Variants in SPAG16 observed in about 807,000 individuals in gnomAD.
SPAG16 encodes sperm-associated antigen 16 protein.
In SPAG16, 86 loss-of-function variants were observed where a neutral mutation model predicts 80.4. The observed-to-expected ratio is 1.07, with a 90% confidence interval of 0.90 to 1.28. The LOEUF (loss-of-function observed/expected upper bound fraction) is 1.28, where lower values mean the gene tolerates loss of function less well. SPAG16 is among the 50% of genes most tolerant of loss of function. The pLI is 0.00. For synonymous variants in SPAG16, 294 were observed against 265.9 expected (o/e 1.11, Z -1.03); for missense variants, 870 against 765.3 (o/e 1.14, Z -1.61).
intron 15 of SPAG16, among the ~76,000 whole-genome samples, chr2:214,378,147 A>T (rs1250508496): frequency 6.6e-6 from 1 of 152,190 alleles, no homozygotes; most frequent in Non-Finnish European, 1.5e-5. Context: ...TTCCAGATGG[A>T]ACACAGCCCT....
In SPAG16 at chr2:213,787,293, G is replaced by A. The variant is rs549324102; in HGVS notation, c.1071-75192G>A. 2.6e-5 allele frequency among the ~76,000 whole-genome samples: 4 copies of A among 152,192 alleles called. 1 individual carries two copies. In the South Asian group the frequency reaches 8.3e-4, roughly 32 times the overall value. ...TGAGGATAAAGAAGTAGAAGTTGAT[G>A]AGTGATAATGGTATTGATGCTTTCT... On this transcript the variant is annotated intron_variant, in intron 10 of 15. Coordinates refer to ENST00000331683, the MANE Select transcript of SPAG16 (RefSeq NM_024532.5).
intron 14 of SPAG16, among the ~76,000 whole-genome samples, chr2:214,146,954 A>G (rs951606038): frequency 1.3e-5 from 2 of 151,434 alleles, no homozygotes; most frequent in African/African-American, 4.9e-5. Context: ...GTGAGCCAAG[A>G]TTGTGCCATT....
intron 14 of SPAG16, among the ~76,000 whole-genome samples, chr2:214,139,244 A>C (rs143579030): frequency 6.6e-6 from 1 of 152,240 alleles, no homozygotes; most frequent in East Asian, 1.9e-4. Context: ...CATTTTGCTG[A>C]AGAATTAACA....
intron 9 of SPAG16, among the ~76,000 whole-genome samples, chr2:213,407,983 AGAG>A (rs1361277813): frequency 1.4e-5 from 2 of 141,082 alleles, no homozygotes; most frequent in African/African-American, 5.3e-5. Context: ...CAGGAGAGAG[AGAG>A]GAGAGAGGCA....
At chr2:214,219,772 C>A (rs1393918173) in intron 15 of SPAG16, among the ~76,000 whole-genome samples, 1 of 152,090 alleles carries the variant, frequency 6.6e-6, no homozygotes, top group African/African-American at 2.4e-5. Context: ...TTTACTGTAA[C>A]TTATTCAAAT....
intron 15 of SPAG16, among the ~76,000 whole-genome samples, chr2:214,194,800 C>G (rs1216790522): frequency 6.6e-6 from 1 of 152,020 alleles, no homozygotes; most frequent in Non-Finnish European, 1.5e-5. Context: ...TCAGAAAGCC[C>G]TGTTTCTGAA....
chr2:213,717,545 G>T (rs1459680325), intron 10 of SPAG16, among the ~76,000 whole-genome samples: 1 of 151,728 alleles, frequency 6.6e-6, no homozygotes, highest in Non-Finnish European at 1.5e-5. Context: ...AACGTCCGGA[G>T]ACTTAAACTC....
At chr2:213,711,426 A>G (rs1387534272) in intron 10 of SPAG16, among the ~76,000 whole-genome samples, 1 of 152,062 alleles carries the variant, frequency 6.6e-6, no homozygotes, top group Non-Finnish European at 1.5e-5. Flanking sequence ...CCCTGACAAA[A>G]CATCATTAGC....
chr2:213,615,119 T>C (rs192370617), intron 10 of SPAG16, among the ~76,000 whole-genome samples: 14 of 152,326 alleles, frequency 9.2e-5, no homozygotes, highest in Admixed American at 3.3e-4. Flanking sequence ...CTGCAAATAC[T>C]TACTGAACAT....
At chr2:214,389,855 T>A (rs1700969232) in intron 15 of SPAG16, among the ~76,000 whole-genome samples, 1 of 152,210 alleles carries the variant, frequency 6.6e-6, no homozygotes, top group South Asian at 2.1e-4. Context: ...CATTCCATCA[T>A]ATCATTGACA....
chr2:213,855,940 C>A (rs967597430), intron 10 of SPAG16, among the ~76,000 whole-genome samples: 1 of 131,572 alleles, frequency 7.6e-6, no homozygotes, highest in Non-Finnish European at 1.7e-5. Context: ...CCTCAAATTT[C>A]AAAACACAAT....
intron 3 of SPAG16, among the ~76,000 whole-genome samples, chr2:213,303,567 C>T (rs894910210): frequency 6.6e-6 from 1 of 151,928 alleles, no homozygotes; most frequent in African/African-American, 2.4e-5. Context: ...TTGCTCTAGA[C>T]TCTGCCTTCG....
At chr2:213,944,518 T>C (rs1215498963) in intron 12 of SPAG16, among the ~76,000 whole-genome samples, 1 of 152,234 alleles carries the variant, frequency 6.6e-6, no homozygotes, top group Non-Finnish European at 1.5e-5. Flanking sequence ...AGAGGAATTT[T>C]GGCTCAGAAT....
chr2:213,876,355 A>C (rs984527622), intron 11 of SPAG16, among the ~76,000 whole-genome samples: 3 of 150,988 alleles, frequency 2.0e-5, no homozygotes, highest in African/African-American at 7.3e-5. Context: ...ATCTTTGTGT[A>C]GTTGAATCCT....
chr2:213,586,040 A>G lies in SPAG16; in HGVS notation c.1070+95950A>G, dbSNP rs569514549. 4.6e-5 allele frequency among the ~76,000 whole-genome samples: 7 copies of G among 152,272 alleles called. No individual in the cohort carries two copies. The South Asian group carries it at 1.0e-3, about 23-fold the overall frequency. ...ACGTATACCATGCATTCAGATTCCT[A>G]TTTTTAGAGATTACATAAGAAAGAA... On this transcript the variant is annotated intron_variant, in intron 10 of 15. Coordinates refer to ENST00000331683, the MANE Select transcript of SPAG16 (RefSeq NM_024532.5).
chr2:214,173,232 T>G (rs1398183591), intron 15 of SPAG16, among the ~76,000 whole-genome samples: 2 of 152,110 alleles, frequency 1.3e-5, no homozygotes, highest in African/African-American at 4.8e-5. Context: ...TGGTTTTAGG[T>G]CTAACATTTA....
intron 10 of SPAG16, among the ~76,000 whole-genome samples, chr2:213,651,705 A>C (rs1362598781): frequency 1.3e-5 from 2 of 152,108 alleles, no homozygotes; most frequent in Non-Finnish European, 2.9e-5. Flanking sequence ...GAATTTCTGG[A>C]AATGTAATTT....
intron 10 of SPAG16, among the ~76,000 whole-genome samples, chr2:213,609,614 T>A (rs1164542316): frequency 6.6e-6 from 1 of 152,186 alleles, no homozygotes; most frequent in African/African-American, 2.4e-5. Flanking sequence ...ATCATATTCA[T>A]GTTATATTGC....
chr2:214,194,911 G>A (rs2057780311), intron 15 of SPAG16, among the ~76,000 whole-genome samples: 1 of 152,054 alleles, frequency 6.6e-6, no homozygotes, highest in Admixed American at 6.6e-5. Flanking sequence ...GCATCCATAT[G>A]TGGTAGCCAT....
Sources: allele counts gnomAD v4.1 joint callset (sites outside exome capture counted in the v4.1 genomes callset), GRCh38; gene constraint gnomAD v4.1.1; transcripts MANE v1.5; gene names NCBI Gene and HGNC (gene_info 2026-07-23, HGNC 2026-07-21).